Variants in PID1 observed in about 807,000 individuals in gnomAD.
PID1 encodes the protein phosphotyrosine interaction domain containing 1, also known as PTB-containing, cubilin and LRP1-interacting protein.
Under a neutral mutation model 19.1 loss-of-function variants are expected in PID1, and 10 were observed. The ratio of observed to expected loss-of-function variants is 0.52; its 90% CI spans 0.32 to 0.89. PID1 has a LOEUF of 0.89. PID1 is among the 40% of genes least tolerant of loss of function. PID1 has a pLI of 0.03. For synonymous variants in PID1, 130 were observed against 116.0 expected, an observed-to-expected ratio of 1.12 and a Z score of -0.78; for missense variants, 248 against 285.3, an observed-to-expected ratio of 0.87 and a Z score of 0.94.
At chr2:229,122,486 T>C (rs1293899017) in intron 2 of PID1, among the ~76,000 whole-genome samples, 1 of 151,986 alleles carries the variant, frequency 6.6e-6, no homozygotes, top group African/African-American at 2.4e-5. Context: ...TTACAGCTTT[T>C]CCCCAGGGAC....
chr2:229,137,241 C>A (rs747968215), intron 2 of PID1, among the ~76,000 whole-genome samples: 1 of 152,134 alleles, frequency 6.6e-6, no homozygotes, highest in East Asian at 1.9e-4. Flanking sequence ...ATCCCAGGAA[C>A]AAAAGAGCAG....
At chr2:229,092,809 T>A (rs1574622271) in intron 2 of PID1, among the ~76,000 whole-genome samples, 1 of 152,192 alleles carries the variant, frequency 6.6e-6, no homozygotes, top group African/African-American at 2.4e-5. Context: ...CACCATTTCA[T>A]TTTTATAACA....
At chr2:229,055,141 C>G (rs1469921087) in intron 2 of PID1, among the ~76,000 whole-genome samples, 2 of 152,170 alleles carry the variant, frequency 1.3e-5, no homozygotes, top group Non-Finnish European at 2.9e-5. Context: ...GGTGCTCACA[C>G]TCTCAAAGTT....
chr2:229,174,348 C>T (rs1268151028), intron 1 of PID1, among the ~76,000 whole-genome samples: 1 of 152,080 alleles, frequency 6.6e-6, no homozygotes, highest in Admixed American at 6.5e-5. Flanking sequence ...GAGGTACCTA[C>T]GGAGCTCACG....
At chr2:229,119,413 A>C (rs1020446385) in intron 2 of PID1, among the ~76,000 whole-genome samples, 4 of 152,232 alleles carry the variant, frequency 2.6e-5, no homozygotes. Context: ...AAGAGTTTAA[A>C]TGTCTTAAAA....
chr2:229,266,496 A>G (rs1690594951), intron 1 of PID1, among the ~76,000 whole-genome samples: 1 of 152,232 alleles, frequency 6.6e-6, no homozygotes, highest in South Asian at 2.1e-4. Context: ...AGCAAGAAAT[A>G]GGACAGCAGC....
Position 229,227,138 on chromosome 2 carries a change from C to T in PID1, c.30+43876G>A, listed in dbSNP as rs891640845. Among the ~76,000 whole-genome samples, 11 of 152,194 alleles carry T rather than the reference C, an allele frequency of 7.2e-5. 1 individual carries two copies. Among genetic ancestry groups the T allele is most frequent in the South Asian group, 4.1e-4 (2 of 4,822 alleles). On this transcript the variant is annotated intron_variant, in intron 1 of 2. Transcript: ENST00000392055. ...TTTTAATGAAATAATCATAAAAGGA[C>T]TTGACCTCCCAAATGTCAACCTTCC...
chr2:229,232,726 C>T (rs1002524680), intron 1 of PID1, among the ~76,000 whole-genome samples: 1 of 147,740 alleles, frequency 6.8e-6, no homozygotes, highest in African/African-American at 2.5e-5. Context: ...CAATATGATG[C>T]ATTGTTGTTA....
At chr2:229,056,923 G>A (rs893740214) in intron 2 of PID1, among the ~76,000 whole-genome samples, 1 of 152,052 alleles carries the variant, frequency 6.6e-6, no homozygotes, top group Non-Finnish European at 1.5e-5. Context: ...AAGAGACAAC[G>A]TATCTATTCC....
At chr2:229,053,337 C>T (rs538788257) in intron 2 of PID1, among the ~76,000 whole-genome samples, 2 of 152,212 alleles carry the variant, frequency 1.3e-5, no homozygotes, top group South Asian at 4.1e-4. Flanking sequence ...AAAGATGTTA[C>T]ACTGATTAGA....
At chr2:229,156,079 G>C (rs767859084) in intron 1 of PID1, 115 bp from the exon 2 acceptor site, 3 of 857,456 alleles carry the variant, frequency 3.5e-6, no homozygotes, top group Non-Finnish European at 5.4e-6. Context: ...TATTAGGGGA[G>C]GCCAAGAGAT....
At chr2:229,186,047 A>G (rs565532567) in intron 1 of PID1, among the ~76,000 whole-genome samples, 1 of 152,318 alleles carries the variant, frequency 6.6e-6, no homozygotes, top group East Asian at 1.9e-4. Context: ...TCCAAATGGG[A>G]GACATTGGCC....
At chr2:229,114,557 C>T (rs1340382178) in intron 2 of PID1, among the ~76,000 whole-genome samples, 24 of 152,074 alleles carry the variant, frequency 1.6e-4, no homozygotes, top group Admixed American at 1.6e-3. Context: ...AATTCATCTC[C>T]CTCTATTCCA....
At chr2:229,180,015 G>A (rs1690906026) in intron 1 of PID1, among the ~76,000 whole-genome samples, 1 of 152,110 alleles carries the variant, frequency 6.6e-6, no homozygotes, top group South Asian at 2.1e-4. Context: ...CAAGTCAAAG[G>A]GACTGGCTAA....
chr2:229,025,719 A>G lies in PID1; in HGVS notation c.567T>C (p.Thr189=). Reference sequence around the variant, plus strand: ...GCCCGTCGCTCTTCATACTGTGGAAAGTCTTCCTGAAGGCCTCCATCATGG... The same window carrying G: ...GCCCGTCGCTCTTCATACTGTGGAAGGTCTTCCTGAAGGCCTCCATCATGG... The part of the protein sequence containing the change: ...AHAMMEAFRK[T]FHSMKSDGRI... The change falls in exon 3 of 3, where the codon ACT becomes ACC. Residue 189 remains threonine (T), a synonymous_variant. Transcript: ENST00000392055. 6.2e-7 allele frequency: 1 copy of G among 1,614,224 alleles called. No homozygotes were observed. The highest frequency in any genetic ancestry group is 1.1e-5 in the South Asian group (1 of 91,088).
rs375992403 is a variant in PID1 at position 229,153,319 on chromosome 2, G to A, written c.177+2499C>T. ...TTCTTCCTTCAGATAGAATAATAAC[G>A]CTGGAAAAGCCCTCAAGAGGTGTTG... On this transcript the variant is annotated intron_variant, in intron 2 of 2. Coordinates refer to ENST00000392055, the MANE Select transcript of PID1 (RefSeq NM_001100818.2). Among the ~76,000 whole-genome samples, 26 of 152,292 alleles carry A rather than the reference G, an allele frequency of 1.7e-4. No homozygotes were observed. The East Asian group carries it at 3.7e-3, about 21-fold the overall frequency.
intron 2 of PID1, among the ~76,000 whole-genome samples, chr2:229,140,825 ATTAG>A (rs1689996126): frequency 6.6e-6 from 1 of 152,134 alleles, no homozygotes; most frequent in South Asian, 2.1e-4. Flanking sequence ...ATATTTAATA[ATTAG>A]TAACTATTAC....
chr2:229,085,618 C>A (rs1158716703), intron 2 of PID1, among the ~76,000 whole-genome samples: 1 of 152,072 alleles, frequency 6.6e-6, no homozygotes, highest in African/African-American at 2.4e-5. Flanking sequence ...CATGAAGAAA[C>A]ATTGCTTAAA....
rs561467954 is a variant in PID1, at chr2:229,045,818, C to T, written c.178-19710G>A. Among the ~76,000 whole-genome samples the T allele has an allele frequency of 1.5e-3, 221 of 152,330 alleles. 1 individual carries two copies. The highest frequency in any genetic ancestry group is 4.7e-3 in the African/African-American group (197 of 41,572). Reference sequence around the variant, plus strand: ...TCACGGAGCATGCCCTTCTGGGCCACTCCCACAGCCTTCTCTGTCAGTCAC... The same window carrying T: ...TCACGGAGCATGCCCTTCTGGGCCATTCCCACAGCCTTCTCTGTCAGTCAC... On this transcript the variant is annotated intron_variant, in intron 2 of 2. Transcript: ENST00000392055.
Sources: gnomAD v4.1 joint callset for allele counts (sites outside exome capture counted in the v4.1 genomes callset) on GRCh38, gnomAD v4.1.1 for gene constraint, MANE v1.5 for transcripts, NCBI Gene and HGNC (gene_info 2026-07-23, HGNC 2026-07-21) for gene names.